STAU2: variants seen among roughly 807,000 people sequenced by gnomAD.
STAU2 encodes the protein staufen double-stranded RNA binding protein 2, also known as double-stranded RNA-binding protein Staufen homolog 2.
In STAU2, 20 loss-of-function variants were observed where a neutral mutation model predicts 65.9. That is an observed-to-expected ratio of 0.30 (90% confidence interval 0.21 to 0.44). The LOEUF is 0.44. Ranked by LOEUF, STAU2 falls within the 20% of genes least tolerant of loss-of-function variation. The pLI, the probability that STAU2 is intolerant of heterozygous loss-of-function variation, is 1.00. For synonymous variants in STAU2, 232 were observed against 233.9 expected (o/e 0.99, Z 0.07); for missense variants, 558 against 683.9 (o/e 0.82, Z 2.05).
At chr8:73,478,257 T>C (rs1820419803) in intron 13 of STAU2, among the ~76,000 whole-genome samples, 1 of 144,212 alleles carries the variant, frequency 6.9e-6, no homozygotes, top group Non-Finnish European at 1.5e-5. Flanking sequence ...TTAAGAATTA[T>C]CTTGGGCCAC....
At chr8:73,517,982 T>C (rs76099897) in intron 13 of STAU2, among the ~76,000 whole-genome samples, 2,609 of 152,298 alleles carry the variant, frequency 0.017, 26 homozygotes, top group Middle Eastern at 0.031. Context: ...AAACTGCTTA[T>C]ACATCTGAAA....
At chr8:73,585,876 C>T (rs1279576878) in intron 11 of STAU2, among the ~76,000 whole-genome samples, 1 of 152,158 alleles carries the variant, frequency 6.6e-6, no homozygotes, top group Non-Finnish European at 1.5e-5. Flanking sequence ...CCTCATGTTG[C>T]TCTCTTGATG....
intron 3 of STAU2, among the ~76,000 whole-genome samples, chr8:73,712,570 A>C (rs1820976021): frequency 1.3e-5 from 2 of 152,234 alleles, no homozygotes. Context: ...TAAAACAGTG[A>C]CATAAAAAGT....
intron 5 of STAU2, 126 bp downstream of exon 5, chr8:73,688,528 G>GTA: frequency 1.1e-5 from 8 of 740,282 alleles, no homozygotes; most frequent in African/African-American, 1.9e-5. Context: ...GTGTGTGTGT[G>GTA]TGTAGGTATG....
In STAU2 at chr8:73,668,531, C is replaced by A. The variant is rs116754940; in HGVS notation, c.410+4576G>T. On this transcript the variant is annotated intron_variant, in intron 6 of 14. Transcript: ENST00000524300. ...GAAAAACTGTCTAAATTCAGCCATT[C>A]TATTTCTCTAATGTACATAATTTTT... 9.8e-3 allele frequency among the ~76,000 whole-genome samples: 1,498 copies of A among 152,270 alleles called. 26 individuals carry two copies. The highest frequency in any genetic ancestry group is 0.035 in the African/African-American group (1,435 of 41,552).
intron 6 of STAU2, among the ~76,000 whole-genome samples, chr8:73,662,288 A>G (rs1816886222): frequency 6.6e-6 from 1 of 152,198 alleles, no homozygotes; most frequent in South Asian, 2.1e-4. Flanking sequence ...AAATATATGT[A>G]TTACGAATGT....
intron 6 of STAU2, among the ~76,000 whole-genome samples, chr8:73,639,737 T>G (rs1435359812): frequency 6.6e-6 from 1 of 152,164 alleles, no homozygotes; most frequent in Non-Finnish European, 1.5e-5. Flanking sequence ...TTATCCTTGT[T>G]CTGGTTTGAT....
At chr8:73,486,316 T>C (rs2128913200) in intron 13 of STAU2, among the ~76,000 whole-genome samples, 1 of 152,180 alleles carries the variant, frequency 6.6e-6, no homozygotes, top group Middle Eastern at 3.4e-3. Flanking sequence ...ATTTTGCTAT[T>C]AGTATTCTCT....
At chr8:73,695,286 T>C (rs1322714177) in intron 4 of STAU2, among the ~76,000 whole-genome samples, 2 of 152,178 alleles carry the variant, frequency 1.3e-5, no homozygotes, top group African/African-American at 4.8e-5. Flanking sequence ...CACCATAGGA[T>C]AAGGCACCAG....
chr8:73,443,571 G>A (rs1193150119), intron 13 of STAU2, among the ~76,000 whole-genome samples: 1 of 152,204 alleles, frequency 6.6e-6, no homozygotes, highest in East Asian at 1.9e-4. Flanking sequence ...AGAAAGTAGT[G>A]GCTGGGTGCA....
intron 3 of STAU2, among the ~76,000 whole-genome samples, chr8:73,733,518 G>A (rs1806219034): frequency 6.6e-6 from 1 of 152,054 alleles, no homozygotes; most frequent in African/African-American, 2.4e-5. Flanking sequence ...TAAATATTAT[G>A]GTACCCCAGA....
intron 13 of STAU2, among the ~76,000 whole-genome samples, chr8:73,471,836 A>AAAAAAAAG (rs1554594418): frequency 1.0e-4 from 15 of 145,728 alleles, no homozygotes; most frequent in Non-Finnish European, 1.6e-4. Context: ...AAAAAAAAAA[A>AAAAAAAAG]AGAGAGAAGA....
chr8:73,743,550 C>T (rs1376581346), intron 1 of STAU2, among the ~76,000 whole-genome samples: 1 of 149,970 alleles, frequency 6.7e-6, no homozygotes, highest in Non-Finnish European at 1.5e-5. Flanking sequence ...GTCGGCTCAC[C>T]GCAAGATCCG....
intron 6 of STAU2, among the ~76,000 whole-genome samples, chr8:73,623,440 A>G (rs1434754166): frequency 2.0e-5 from 3 of 152,162 alleles, no homozygotes; most frequent in Non-Finnish European, 4.4e-5. Context: ...ATAAATCTCA[A>G]CACAGCTTAA....
intron 9 of STAU2, among the ~76,000 whole-genome samples, chr8:73,609,725 AATTTAT>A (rs1812308259): frequency 6.6e-6 from 1 of 152,178 alleles, no homozygotes; most frequent in South Asian, 2.1e-4. Context: ...TCCACATAAT[AATTTAT>A]AAGTCTAAGA....
rs949453996 is a variant in STAU2, at chr8:73,435,361, T to C, written c.1531-12659A>G. Among the ~76,000 whole-genome samples the C allele has an allele frequency of 6.6e-5, 10 of 151,700 alleles. No individual in the cohort carries two copies. In the South Asian group the frequency reaches 1.0e-3, roughly 16 times the overall value. On this transcript the variant is annotated intron_variant, in intron 13 of 14. Transcript: ENST00000524300. ...ATCTCCACAGTGTGTCCACAGAACA[T>C]CCTCAAAAAATATTCCTCAGCTGAT...
intron 9 of STAU2, among the ~76,000 whole-genome samples, chr8:73,609,790 A>T (rs1486336544): frequency 1.3e-5 from 2 of 152,240 alleles, no homozygotes; most frequent in African/African-American, 2.4e-5. Flanking sequence ...CTAGCACTAG[A>T]AGTAGTATGC....
chr8:73,630,350 A>G (rs1304440708), intron 6 of STAU2, among the ~76,000 whole-genome samples: 1 of 152,246 alleles, frequency 6.6e-6, no homozygotes, highest in Non-Finnish European at 1.5e-5. Flanking sequence ...CCCTGAGGTA[A>G]AACACAGCAA....
At chr8:73,545,069 T>C (rs1424603356) in intron 13 of STAU2, among the ~76,000 whole-genome samples, 1 of 152,194 alleles carries the variant, frequency 6.6e-6, no homozygotes, top group African/African-American at 2.4e-5. Flanking sequence ...AGTTCCAATG[T>C]TCAACGGGAT....
Sources: gnomAD v4.1 joint callset for allele counts (sites outside exome capture counted in the v4.1 genomes callset) on GRCh38, gnomAD v4.1.1 for gene constraint, MANE v1.5 for transcripts, NCBI Gene and HGNC (gene_info 2026-07-23, HGNC 2026-07-21) for gene names.